RYR2: variants seen among roughly 807,000 people sequenced by gnomAD.
RYR2 encodes cardiac muscle ryanodine receptor-calcium release channel.
RYR2 carries 227 observed loss-of-function variants against 601.1 expected under a neutral mutation model. That is an observed-to-expected ratio of 0.38 (90% CI 0.34 to 0.42). The LOEUF (loss-of-function observed/expected upper bound fraction) is 0.42. Among genes scored for constraint, RYR2 ranks in the 10% least tolerant of loss-of-function variants. The pLI is 1.00. For missense variants in RYR2, 4,646 were observed against 6,156.5 expected (o/e 0.75, Z 8.21); for synonymous variants, 2,223 against 2,175.1 (o/e 1.02, Z -0.61).
chr1:237,461,184 A>G (rs901388785), intron 16 of RYR2, among the ~76,000 whole-genome samples: 3 of 152,320 alleles, frequency 2.0e-5, no homozygotes, highest in African/African-American at 7.2e-5. Context: ...TGCAAATTTT[A>G]TATTCTATTA....
chr1:237,368,700 A>G (rs940848260), intron 5 of RYR2, among the ~76,000 whole-genome samples: 1 of 151,628 alleles, frequency 6.6e-6, no homozygotes. Flanking sequence ...GATTGATTGG[A>G]CTCTTCCCTA....
At position 237,569,320 on chromosome 1, in the gene RYR2, G is replaced by GT; in HGVS notation, c.3598+2dup. On this transcript the variant is annotated splice_donor_variant, in intron 29 of 104. Coordinates refer to ENST00000366574, the MANE Select transcript of RYR2 (RefSeq NM_001035.3). LOFTEE classifies it high-confidence loss of function. ...TTCAAGGACTTTGATGTTGGCGATG[G>GT]TAAGTCTACTATGTTTTGTGTTTTT... 3 of 1,613,188 alleles carry GT rather than the reference G, an allele frequency of 1.9e-6. No homozygotes were observed. The highest frequency in any genetic ancestry group is 2.5e-6 in the Non-Finnish European group (3 of 1,179,530).
chr1:237,608,805 T>TG (rs941163200), intron 35 of RYR2, among the ~76,000 whole-genome samples: 8 of 149,386 alleles, frequency 5.4e-5, no homozygotes, highest in Non-Finnish European at 9.0e-5. Context: ...TGTTTTTTTT[T>TG]TTTTTTTTTT....
chr1:237,730,191 A>G, intron 76 of RYR2, 69 bp from the exon 77 acceptor site: 1 of 828,384 alleles, frequency 1.2e-6, no homozygotes, highest in Admixed American at 1.8e-5. Context: ...CTAGTAATAA[A>G]GCACTACTCA....
intron 58 of RYR2, 82 bp downstream of exon 58, chr1:237,668,040 A>G (rs1017418709): frequency 5.6e-5 from 59 of 1,049,906 alleles, no homozygotes; most frequent in Non-Finnish European, 7.9e-5. Context: ...CTTCAGCACA[A>G]CAGCTTATTA....
chr1:237,195,989 G>A (rs538834123), intron 1 of RYR2, among the ~76,000 whole-genome samples: 1 of 152,272 alleles, frequency 6.6e-6, no homozygotes, highest in Admixed American at 6.5e-5. Flanking sequence ...GTCTTGTCCG[G>A]CATGTTGTAA....
chr1:237,594,292 G>C (rs1040120440), intron 33 of RYR2, among the ~76,000 whole-genome samples: 2 of 152,156 alleles, frequency 1.3e-5, no homozygotes, highest in Non-Finnish European at 2.9e-5. Context: ...CATCCTCTCT[G>C]ATCTGCTGTG....
intron 63 of RYR2, among the ~76,000 whole-genome samples, chr1:237,695,212 G>A (rs1687311222): frequency 6.6e-6 from 1 of 152,140 alleles, no homozygotes; most frequent in Non-Finnish European, 1.5e-5. Flanking sequence ...ATTATTTAGA[G>A]AGTCATATAT....
intron 12 of RYR2, among the ~76,000 whole-genome samples, chr1:237,431,265 A>T (rs1278407702): frequency 6.6e-6 from 1 of 152,210 alleles, no homozygotes; most frequent in Non-Finnish European, 1.5e-5. Flanking sequence ...TAGAGACACT[A>T]ACTCTTCCAA....
chr1:237,357,193 A>T (rs1396200407), intron 4 of RYR2, among the ~76,000 whole-genome samples: 1 of 152,118 alleles, frequency 6.6e-6, no homozygotes, highest in Non-Finnish European at 1.5e-5. Flanking sequence ...TTATAACCGA[A>T]CTACTACTAC....
intron 2 of RYR2, among the ~76,000 whole-genome samples, chr1:237,301,760 C>T (rs149697210): frequency 2.0e-5 from 3 of 152,286 alleles, no homozygotes; most frequent in Admixed American, 2.0e-4. Context: ...TTTCCCTCCT[C>T]TTTATTCGCA....
At chr1:237,519,283 A>C (rs1360615960) in intron 24 of RYR2, among the ~76,000 whole-genome samples, 1 of 152,014 alleles carries the variant, frequency 6.6e-6, no homozygotes, top group Non-Finnish European at 1.5e-5. Flanking sequence ...TATTAGTTTA[A>C]ATAGGTCTTG....
chr1:237,313,162 T>TTGA (rs1459068945), intron 2 of RYR2, among the ~76,000 whole-genome samples: 1 of 152,214 alleles, frequency 6.6e-6, no homozygotes, highest in African/African-American at 2.4e-5. Context: ...AGTACAGATA[T>TTGA]AGTTAAAATA....
chr1:237,201,334 G>A (rs569648934), intron 1 of RYR2, among the ~76,000 whole-genome samples: 2 of 152,250 alleles, frequency 1.3e-5, no homozygotes, highest in Admixed American at 6.5e-5. Flanking sequence ...ACTTGATCTC[G>A]ACGGCTATCT....
rs148224108 is a variant in RYR2, at chr1:237,085,448, G to A, written c.48+42879G>A. Among the ~76,000 whole-genome samples, 38 of 152,230 alleles carry A rather than the reference G, an allele frequency of 2.5e-4. No individual in the cohort carries two copies. The East Asian group carries it at 3.7e-3, about 15-fold the overall frequency. On this transcript the variant is annotated intron_variant, in intron 1 of 104. Transcript: ENST00000366574. ...TCAGATAAAATTCTTAACTTGCTCC[G>A]CATGTGTTAATTTCCTCTCTACTGT...
intron 1 of RYR2, among the ~76,000 whole-genome samples, chr1:237,219,591 C>T (rs765861570): frequency 6.6e-6 from 1 of 152,104 alleles, no homozygotes; most frequent in Non-Finnish European, 1.5e-5. Flanking sequence ...GATAGCTTCC[C>T]TTGGGGCACG....
At chr1:237,441,083 T>A (rs1371063752) in intron 12 of RYR2, among the ~76,000 whole-genome samples, 1 of 152,168 alleles carries the variant, frequency 6.6e-6, no homozygotes, top group Non-Finnish European at 1.5e-5. Context: ...TTGGCCATTA[T>A]GCAACATAAA....
chr1:237,158,271 G>A (rs1202418592), intron 1 of RYR2, among the ~76,000 whole-genome samples: 1 of 152,118 alleles, frequency 6.6e-6, no homozygotes. Context: ...TCAGCTGTGG[G>A]GATCAGGGAA....
At chr1:237,303,336 A>G (rs1184842306) in intron 2 of RYR2, among the ~76,000 whole-genome samples, 3 of 103,302 alleles carry the variant, frequency 2.9e-5, no homozygotes, top group African/African-American at 1.2e-4. Flanking sequence ...GTCTTGCTCT[A>G]TTGCCCAGAC....
Sources: allele counts gnomAD v4.1 joint callset (sites outside exome capture counted in the v4.1 genomes callset), GRCh38; gene constraint gnomAD v4.1.1; transcripts MANE v1.5; gene names NCBI Gene and HGNC (gene_info 2026-07-23, HGNC 2026-07-21).